Variants in TSPYL4 observed in about 807,000 individuals in gnomAD.
TSPYL4 encodes the protein testis-specific Y-encoded-like protein 4.
In TSPYL4, 22 loss-of-function variants were observed where a neutral mutation model predicts 24.2. The observed-to-expected ratio is 0.91, with a 90% CI of 0.65 to 1.30. TSPYL4 has a LOEUF of 1.30. Among genes scored for constraint, TSPYL4 ranks in the 50% most tolerant of loss-of-function variants. The pLI is 0.00. For missense variants in TSPYL4, 569 were observed against 536.7 expected (o/e 1.06, Z -0.60); for synonymous variants, 211 against 208.2 (o/e 1.01, Z -0.12).
At position 116,249,991 on chromosome 6, in the gene TSPYL4, G is replaced by A. The variant is rs1406983231; in HGVS notation, c.*2773C>T. ...TTTTAAATTATTTTTATTTTTTGAT[G>A]AAAACAAGAAATACGGTAGTGACAC... On this transcript the variant is annotated 3_prime_UTR_variant, in exon 1 of 1. Coordinates refer to ENST00000420283, the MANE Select transcript of TSPYL4 (RefSeq NM_021648.5). The A allele has an allele frequency of 6.6e-6, 1 of 151,272 alleles. No individual in the cohort carries two copies. The highest frequency in any genetic ancestry group is 1.5e-5 in the Non-Finnish European group (1 of 67,888). 9.4% of individuals were successfully genotyped at this position (151,272 alleles called of 1,614,324 possible). A position where few individuals can be genotyped will look rare whatever the true frequency, so the allele number is the denominator to read the frequency against.
Position 116,253,286 on chromosome 6 carries a change from C to T in TSPYL4, c.723G>A (p.Gln241=), listed in dbSNP as rs186602166. Residue 241 remains glutamine, a synonymous_variant, in exon 1 of 1, where the codon CAG becomes CAA. Transcript: ENST00000420283. The surrounding 1 kb of genome is among the most constrained non-coding windows in gnomAD (Gnocchi z 4.3). ...KFGRMRRLHM[Q]RRSFIIQNIP... The stretch of plus-strand genomic sequence containing the variant: ...TATTCTGGATAATGAAACTTCTGCG[C>T]TGCATGTGGAGCCTTCGCATGCGGC... The T allele has an allele frequency of 4.9e-5, 79 of 1,606,810 alleles. No homozygotes were observed. The highest frequency in any genetic ancestry group is 1.0e-5 in the Non-Finnish European group (12 of 1,176,286).
Position 116,254,064 on chromosome 6 carries a change from C to G in TSPYL4, c.-56G>C, listed in dbSNP as rs1353691160. ...AGAGTTCCTTGTCCTCCGCAGCGGCCGAGCTCTGCCCGAAACGTCTAGCAC... is the reference window on the plus strand; with the variant it reads ...AGAGTTCCTTGTCCTCCGCAGCGGCGGAGCTCTGCCCGAAACGTCTAGCAC... On this transcript the variant is annotated 5_prime_UTR_variant, in exon 1 of 1. Coordinates refer to ENST00000420283, the MANE Select transcript of TSPYL4 (RefSeq NM_021648.5). 4.0e-6 allele frequency: 6 copies of G among 1,507,690 alleles called. No homozygotes were observed. Among genetic ancestry groups the G allele is most frequent in the African/African-American group, 1.4e-5 (1 of 71,530 alleles). The allele number at this position is 1,507,690 out of a possible 1,614,324, so 93.4% of individuals were successfully genotyped here. A position where few individuals can be genotyped will look rare whatever the true frequency, so the allele number is the denominator to read the frequency against.
rs975088547 is a variant in TSPYL4 at position 116,252,483 on chromosome 6, A to G, written c.*281T>C. On this transcript the variant is annotated 3_prime_UTR_variant, in exon 1 of 1. Coordinates refer to ENST00000420283, the MANE Select transcript of TSPYL4 (RefSeq NM_021648.5). ...CATGCAAAGAAAGGCAGTATGGTACACTATATCTATAGTATCATACGCTTG... is the reference window on the plus strand; with the variant it reads ...CATGCAAAGAAAGGCAGTATGGTACGCTATATCTATAGTATCATACGCTTG... 21 of 402,098 alleles carry G rather than the reference A, an allele frequency of 5.2e-5. No individual in the cohort carries two copies. The highest frequency in any genetic ancestry group is 8.0e-5 in the Non-Finnish European group (18 of 225,042). 24.9% of individuals were successfully genotyped at this position (402,098 alleles called of 1,614,324 possible). A position where few individuals can be genotyped will look rare whatever the true frequency, so the allele number is the denominator to read the frequency against.
rs2232468 is a variant in TSPYL4 at position 116,253,988 on chromosome 6, G to T, written c.21C>A (p.Gly7=). The change falls in exon 1 of 1, where the codon GGC becomes GGA. Residue 7 remains glycine, a synonymous_variant. Transcript: ENST00000420283. The surrounding 1 kb of genome is among the most constrained non-coding windows in gnomAD (Gnocchi z 4.3). MSGLDG[G]NKLPLAQTGG... is the part of the protein sequence containing the mutation. ...CGGTTTGGGCGAGAGGGAGCTTGTT[G>T]CCCCCATCCAGGCCGCTCATTTTGG... 18,114 of 1,588,392 alleles carry T rather than the reference G, an allele frequency of 0.011. 129 individuals carry two copies. The highest frequency in any genetic ancestry group is 0.013 in the Non-Finnish European group (14,912 of 1,166,724).
rs1339525457 is a variant in TSPYL4, at chr6:116,253,352, G to A, written c.657C>T (p.Ala219=). Residue 219 remains alanine (A), a synonymous_variant, in exon 1 of 1, where the codon GCC becomes GCT. Coordinates refer to ENST00000420283, the MANE Select transcript of TSPYL4 (RefSeq NM_021648.5). This position sits in a 1 kb window ranked among gnomAD's most constrained non-coding sequence, Gnocchi z 4.3. ...GCTGAAGGAAGGCCCTGTCAGCCTGGGCATTTACGTTTGACAACTCTTGAT... is the reference window on the plus strand; with the variant it reads ...GCTGAAGGAAGGCCCTGTCAGCCTGAGCATTTACGTTTGACAACTCTTGAT... ...AIDQELSNVN[A]QADRAFLQLE... is the part of the protein sequence containing the mutation. 8 of 1,558,344 alleles carry A rather than the reference G, an allele frequency of 5.1e-6. No individual in the cohort carries two copies. The highest frequency in any genetic ancestry group is 1.9e-5 in the Admixed American group (1 of 51,486).
At position 116,252,661 on chromosome 6, in the gene TSPYL4, G is replaced by A; in HGVS notation, c.*103C>T. ...GAACCAAAGGAAAAGATAATCCACA[G>A]TATGAAGAGAAAGCAGATGGAAGAC... On this transcript the variant is annotated 3_prime_UTR_variant, in exon 1 of 1. Transcript: ENST00000420283. 1 of 1,334,372 alleles carries A rather than the reference G, an allele frequency of 7.5e-7. No homozygotes were observed. 82.7% of individuals were successfully genotyped at this position (1,334,372 alleles called of 1,614,324 possible).
rs1029062228 is a variant in TSPYL4, at chr6:116,251,359, TG to T, written c.*1404del. 5.0e-6 allele frequency: 2 copies of T among 397,986 alleles called. No individual in the cohort carries two copies. Among genetic ancestry groups the T allele is most frequent in the Admixed American group, 8.8e-5 (2 of 22,710 alleles). The allele number at this position is 397,986 out of a possible 1,614,324, so 24.7% of individuals were successfully genotyped here. Reference sequence around the variant, plus strand: ...AATACACAGGTTTTGGTAGAATGGATGGGGTAAAAAGATAAATATGTCAAAA... The same window carrying T: ...AATACACAGGTTTTGGTAGAATGGATGGGTAAAAAGATAAATATGTCAAAA... On this transcript the variant is annotated 3_prime_UTR_variant, in exon 1 of 1. Transcript: ENST00000420283.
Position 116,252,765 on chromosome 6 carries a change from T to G in TSPYL4, c.1244A>C (p.Ter415SerextTer143), listed in dbSNP as rs1187264330. The change falls in exon 1 of 1, where the codon TAA (stop) becomes TCA (serine). Residue 415 changes from the stop codon to serine (S), a stop_lost. Coordinates refer to ENST00000420283, the MANE Select transcript of TSPYL4 (RefSeq NM_021648.5). ...CAGAAGCTTCTCACAGGACAGAGAT[T>G]AGCCAGACTGGAACCTGAAGGATCT... ...SARSFRFQSG[*>S] 1.9e-6 allele frequency: 3 copies of G among 1,589,134 alleles called. No individual in the cohort carries two copies. The highest frequency in any genetic ancestry group is 2.6e-6 in the Non-Finnish European group (3 of 1,166,790).
Position 116,252,422 on chromosome 6 carries a change from T to G in TSPYL4, c.*342A>C. 4.1e-6 allele frequency: 1 copy of G among 242,488 alleles called. No homozygotes were observed. Among genetic ancestry groups the G allele is most frequent in the South Asian group, 1.0e-4 (1 of 9,736 alleles). The allele number at this position is 242,488 out of a possible 1,614,324, so 15.0% of individuals were successfully genotyped here. ...TCTTTGTGGTACAGAACCACTTAAA[T>G]TGGGAGAAGAGCATGGTCACAGATA... is the stretch of plus-strand genomic sequence containing the variant. On this transcript the variant is annotated 3_prime_UTR_variant, in exon 1 of 1. Transcript: ENST00000420283.
Position 116,252,768 on chromosome 6 carries a change from C to A in TSPYL4, c.1241G>T (p.Gly414Val). The A allele has an allele frequency of 6.3e-7, 1 of 1,589,900 alleles. No homozygotes were observed. The highest frequency in any genetic ancestry group is 8.6e-7 in the Non-Finnish European group (1 of 1,167,214). Reference sequence around the variant, plus strand: ...AAGCTTCTCACAGGACAGAGATTAGCCAGACTGGAACCTGAAGGATCTGGC... The same window carrying A: ...AAGCTTCTCACAGGACAGAGATTAGACAGACTGGAACCTGAAGGATCTGGC... The part of the protein sequence containing the change: ...ESARSFRFQS[G>V] The change falls in exon 1 of 1, where the codon GGC (glycine) becomes GTC (valine). Residue 414 changes from glycine to valine, a missense_variant. Coordinates refer to ENST00000420283, the MANE Select transcript of TSPYL4 (RefSeq NM_021648.5).
Position 116,250,949 on chromosome 6 carries a change from A to T in TSPYL4, c.*1815T>A. The T allele has an allele frequency of 2.7e-6, 1 of 369,520 alleles. No homozygotes were observed. The highest frequency in any genetic ancestry group is 3.9e-5 in the East Asian group (1 of 25,802). 22.9% of individuals were successfully genotyped at this position (369,520 alleles called of 1,614,324 possible). On this transcript the variant is annotated 3_prime_UTR_variant, in exon 1 of 1. Coordinates refer to ENST00000420283, the MANE Select transcript of TSPYL4 (RefSeq NM_021648.5). ...AACTTGTCCGTGAAAATCCACACAG[A>T]TGCTGCACATCCCCTTATCCCCTAC...
rs1396015294 is a variant in TSPYL4 at position 116,251,725 on chromosome 6, C to T, written c.*1039G>A. ...TCACATTCCAGAAATATCTCTTCCT[C>T]AATGCCCCAACTCTGGCAACTTTTG... On this transcript the variant is annotated 3_prime_UTR_variant, in exon 1 of 1. Transcript: ENST00000420283. The T allele has an allele frequency of 1.3e-5, 2 of 152,832 alleles. No individual in the cohort carries two copies. Among genetic ancestry groups the T allele is most frequent in the East Asian group, 3.8e-4 (2 of 5,222 alleles). The allele number at this position is 152,832 out of a possible 1,614,324, so 9.5% of individuals were successfully genotyped here.
chr6:116,253,081 CCT>C lies in TSPYL4; in HGVS notation c.926_927del (p.Glu309GlyfsTer7). On this transcript the variant is annotated frameshift_variant, in exon 1 of 1. Coordinates refer to ENST00000420283, the MANE Select transcript of TSPYL4 (RefSeq NM_021648.5). LOFTEE classifies it high-confidence loss of function. This position sits in a 1 kb window ranked among gnomAD's most constrained non-coding sequence, Gnocchi z 4.3. ...CTGCGTTCATATTCCTTGACAAGCC[CCT>C]CATTTCGGAAGTAGGGGTTGCCCTG... ...IFQGNPYFRN[E>X]GLVKEYERRS... 2 of 1,614,048 alleles carry C rather than the reference CCT, an allele frequency of 1.2e-6. No homozygotes were observed. Among genetic ancestry groups the C allele is most frequent in the South Asian group, 1.1e-5 (1 of 91,068 alleles).
At position 116,253,139 on chromosome 6, in the gene TSPYL4, G is replaced by A; in HGVS notation, c.870C>T (p.Pro290=). ...INLEVEELKH[P]RAGCKFKFIF... ...TGAACTTGAATTTGCAGCCTGCTCT[G>A]GGGTGTTTAAGCTCCTCCACCTCCA... is the stretch of plus-strand genomic sequence containing the variant. The change falls in exon 1 of 1, where the codon CCC becomes CCT. Residue 290 remains proline, a synonymous_variant. Coordinates refer to ENST00000420283, the MANE Select transcript of TSPYL4 (RefSeq NM_021648.5). The surrounding 1 kb of genome is among the most constrained non-coding windows in gnomAD (Gnocchi z 4.3). 6 of 1,614,016 alleles carry A rather than the reference G, an allele frequency of 3.7e-6. No individual in the cohort carries two copies. Among genetic ancestry groups the A allele is most frequent in the Non-Finnish European group, 4.2e-6 (5 of 1,179,952 alleles).
At position 116,253,729 on chromosome 6, in the gene TSPYL4, G is replaced by A; in HGVS notation, c.280C>T (p.Pro94Ser). ...AATKAGQEDA[P>S]PSTKGLEAAS... ...GCTTCCAGACCTTTCGTAGAAGGTG[G>A]AGCATCCTCCTGCCCGGCTTTGGTC... The change falls in exon 1 of 1, where the codon CCA becomes TCA. Residue 94 changes from proline (P) to serine (S), a missense_variant. Transcript: ENST00000420283. This position sits in a 1 kb window ranked among gnomAD's most constrained non-coding sequence, Gnocchi z 4.3. 1 of 1,580,444 alleles carries A rather than the reference G, an allele frequency of 6.3e-7. No individual in the cohort carries two copies. The highest frequency in any genetic ancestry group is 1.1e-5 in the South Asian group (1 of 87,138).
rs771805876 is a variant in TSPYL4, at chr6:116,253,851, C to A, written c.158G>T (p.Ser53Ile). The A allele has an allele frequency of 1.9e-6, 3 of 1,613,394 alleles. No individual in the cohort carries two copies. In the Admixed American group the frequency reaches 5.0e-5, roughly 27 times the overall value. Residue 53 changes from serine to isoleucine, a missense_variant, in exon 1 of 1, where the codon AGC becomes ATC. Ser to Ile is a moderately radical substitution (Grantham distance 142). Transcript: ENST00000420283. The surrounding 1 kb of genome is among the most constrained non-coding windows in gnomAD (Gnocchi z 4.3). ...ACCCCCCTCCGCAACGGTCTCCAGG[C>A]TGCCCCCACCTGTGTTCGCCATCAC... ...TQVMANTGGG[S>I]LETVAEGGAS...
In TSPYL4 at chr6:116,253,233, C is replaced by A; in HGVS notation, c.776G>T (p.Arg259Leu). The A allele has an allele frequency of 6.2e-7, 1 of 1,613,882 alleles. No individual in the cohort carries two copies. The highest frequency in any genetic ancestry group is 8.5e-7 in the Non-Finnish European group (1 of 1,179,910). Residue 259 changes from arginine (R) to leucine (L), a missense_variant, in exon 1 of 1, where the codon CGA (arginine) becomes CTA (leucine). Arg to Leu is a moderately radical substitution (Grantham distance 102, BLOSUM62 -2). Coordinates refer to ENST00000420283, the MANE Select transcript of TSPYL4 (RefSeq NM_021648.5). This position sits in a 1 kb window ranked among gnomAD's most constrained non-coding sequence, Gnocchi z 4.3. The stretch of plus-strand genomic sequence containing the variant: ...CATAGGTGACAGCTGGGGGTGGTTT[C>A]GAAAGGCAGTAACCCAGAAACCTGG... ...NIPGFWVTAFRNHPQLSPMIS... is the reference protein window; with the variant it reads ...NIPGFWVTAFLNHPQLSPMIS...
chr6:116,252,615 C>T lies in TSPYL4; in HGVS notation c.*149G>A. 1 of 1,022,000 alleles carries T rather than the reference C, an allele frequency of 9.8e-7. No homozygotes were observed. Among genetic ancestry groups the T allele is most frequent in the East Asian group, 2.6e-5 (1 of 37,994 alleles). 63.3% of individuals were successfully genotyped at this position (1,022,000 alleles called of 1,614,324 possible). The stretch of plus-strand genomic sequence containing the variant: ...ACAGGCAGGTAAGCCAACAATCTTG[C>T]AACCGATTACTGAAGATTTAGAACC... On this transcript the variant is annotated 3_prime_UTR_variant, in exon 1 of 1. Transcript: ENST00000420283.
chr6:116,253,736 C>G lies in TSPYL4; in HGVS notation c.273G>C (p.Glu91Asp), dbSNP rs1259623245. 6.3e-7 allele frequency: 1 copy of G among 1,584,694 alleles called. No homozygotes were observed. Among genetic ancestry groups the G allele is most frequent in the Admixed American group, 1.8e-5 (1 of 56,230 alleles). ...RGGAATKAGQ[E>D]DAPPSTKGLE... ...GACCTTTCGTAGAAGGTGGAGCATC[C>G]TCCTGCCCGGCTTTGGTCGCTGCAC... Residue 91 changes from glutamate to aspartate, a missense_variant, in exon 1 of 1, where the codon GAG becomes GAC. By Grantham distance (45) the Glu-to-Asp change is conservative. Coordinates refer to ENST00000420283, the MANE Select transcript of TSPYL4 (RefSeq NM_021648.5). The surrounding 1 kb of genome is among the most constrained non-coding windows in gnomAD (Gnocchi z 4.3).
Sources: allele counts gnomAD v4.1 joint callset, GRCh38; gene constraint gnomAD v4.1.1; non-coding constraint Gnocchi (gnomAD v3.1); transcripts MANE v1.5; gene names NCBI Gene and HGNC (gene_info 2026-07-23, HGNC 2026-07-21).